PKD1L1: variants seen among roughly 807,000 people sequenced by gnomAD.
PKD1L1 encodes polycystin 1 like 1, transient receptor potential channel interacting, also known as polycystin-1-like protein 1.
In PKD1L1, 236 loss-of-function variants were observed where a neutral mutation model predicts 323.4. That is an observed-to-expected ratio of 0.73 (90% CI 0.66 to 0.81). PKD1L1 has a LOEUF of 0.81. Among genes scored for constraint, PKD1L1 ranks in the 40% least tolerant of loss-of-function variants. The pLI, the probability that PKD1L1 is intolerant of heterozygous loss-of-function variation, is 0.00. For missense variants in PKD1L1, 3,320 were observed against 3,508.0 expected (o/e 0.95, Z 1.35); for synonymous variants, 1,344 against 1,335.0 (o/e 1.01, Z -0.15).
At chr7:47,889,879 C>G (rs1786770822) in intron 16 of PKD1L1, among the ~76,000 whole-genome samples, 1 of 152,174 alleles carries the variant, frequency 6.6e-6, no homozygotes, top group Non-Finnish European at 1.5e-5. Flanking sequence ...GGCTCCTGCT[C>G]CATCCCGATG....
intron 4 of PKD1L1, 57 bp from the exon 5 acceptor site, chr7:47,932,113 T>C: frequency 6.4e-7 from 1 of 1,557,856 alleles, no homozygotes. Context: ...TTCAGTCACA[T>C]ATCTGGCTTA....
intron 7 of PKD1L1, among the ~76,000 whole-genome samples, chr7:47,925,264 C>G (rs555227800): frequency 6.6e-6 from 1 of 152,246 alleles, no homozygotes; most frequent in South Asian, 2.1e-4. Context: ...AATCCCAACA[C>G]TTTGGGAGGC....
At chr7:47,897,960 C>G (rs1786994203) in intron 14 of PKD1L1, 28 bp downstream of exon 14, 1 of 1,558,780 alleles carries the variant, frequency 6.4e-7, no homozygotes. Context: ...TTCATTGGGC[C>G]AGTAGAGCAG....
chr7:47,893,228 TCAA>T (rs1786860910), intron 15 of PKD1L1, among the ~76,000 whole-genome samples: 1 of 67,664 alleles, frequency 1.5e-5, no homozygotes, highest in African/African-American at 6.1e-5. Context: ...AGACCCTATC[TCAA>T]AAAAAAAAAA....
At chr7:47,880,185 G>A (rs529650436) in intron 21 of PKD1L1, among the ~76,000 whole-genome samples, 1 of 119,292 alleles carries the variant, frequency 8.4e-6, no homozygotes, top group South Asian at 2.8e-4. Context: ...GAGAGAGAGA[G>A]AGAGATTACG....
At chr7:47,875,261 A>T (rs568366011) in intron 23 of PKD1L1, among the ~76,000 whole-genome samples, 125 of 152,336 alleles carry the variant, frequency 8.2e-4, no homozygotes, top group Middle Eastern at 3.4e-3. Flanking sequence ...AAGTGTTTCT[A>T]ACTGAAGGTG....
At chr7:47,811,744 G>A (rs1784900717) in intron 50 of PKD1L1, 73 bp downstream of exon 50, 2 of 1,273,122 alleles carry the variant, frequency 1.6e-6, no homozygotes, top group African/African-American at 1.5e-5. Flanking sequence ...CCTGTCTGGT[G>A]GAGAAGCCCA....
At chr7:47,945,163 G>A (rs536718294) in intron 1 of PKD1L1, among the ~76,000 whole-genome samples, 97 of 152,268 alleles carry the variant, frequency 6.4e-4, no homozygotes, top group Non-Finnish European at 1.2e-3. Flanking sequence ...TTCTAGAAAG[G>A]GCCGCCCTGT....
At chr7:47,788,263 CT>C (rs1213837301) in intron 56 of PKD1L1, among the ~76,000 whole-genome samples, 2 of 150,770 alleles carry the variant, frequency 1.3e-5, no homozygotes, top group African/African-American at 2.4e-5. Flanking sequence ...TTAATATATT[CT>C]TTTTTTATTT....
Position 47,931,941 on chromosome 7 carries a change from G to A in PKD1L1, c.514C>T (p.Leu172Phe). The A allele has an allele frequency of 6.2e-7, 1 of 1,611,180 alleles. No homozygotes were observed. Among genetic ancestry groups the A allele is most frequent in the Non-Finnish European group, 8.5e-7 (1 of 1,178,600 alleles). Residue 172 changes from leucine to phenylalanine, a missense_variant, in exon 5 of 57, where the codon CTC (leucine) becomes TTC (phenylalanine). Physicochemically the swap from Leu to Phe is conservative, Grantham distance 22. Coordinates refer to ENST00000289672, the MANE Select transcript of PKD1L1 (RefSeq NM_138295.5). ...GTADSTFSAL[L>F]QLQGTTSAAA... ...TGCAGGGGTTAGATACCAACCTGGA[G>A]AAGAGCAGAGAATGTGCTGTCTGCG...
At chr7:47,952,995 T>C (rs1252210089), upstream of PKD1L1, among the ~76,000 whole-genome samples, 1 of 152,200 alleles carries the variant, frequency 6.6e-6, no homozygotes, top group Non-Finnish European at 1.5e-5. Flanking sequence ...TTGGGTCCTT[T>C]GGCCACTTGG....
chr7:47,884,503 G>T, intron 19 of PKD1L1, 95 bp downstream of exon 19: 1 of 1,082,592 alleles, frequency 9.2e-7, no homozygotes, highest in Non-Finnish European at 1.4e-6. Flanking sequence ...AGCTCTCAGT[G>T]GCTGTGTAAG....
rs148196745 is a variant in PKD1L1, at chr7:47,885,750, T to A, written c.3141A>T (p.Gly1047=). 96 of 1,614,126 alleles carry A rather than the reference T, an allele frequency of 5.9e-5. No individual in the cohort carries two copies. Among genetic ancestry groups the A allele is most frequent in the Admixed American group, 8.3e-5 (5 of 60,014 alleles). Reference sequence around the variant, plus strand: ...TCTCAGAGCGGCCAGTCATCAGGGATCCCTTGCTCTGTGGCCCTGGCTCTA... The same window carrying A: ...TCTCAGAGCGGCCAGTCATCAGGGAACCCTTGCTCTGTGGCCCTGGCTCTA... ...LDLEPGPQSK[G]SLMTGRSERS... The change falls in exon 18 of 57, where the codon GGA becomes GGT. Residue 1047 remains glycine, a synonymous_variant. Coordinates refer to ENST00000289672, the MANE Select transcript of PKD1L1 (RefSeq NM_138295.5).
At chr7:47,826,566 T>A (rs1051911849) in intron 45 of PKD1L1, among the ~76,000 whole-genome samples, 20 of 152,192 alleles carry the variant, frequency 1.3e-4, no homozygotes, top group Admixed American at 2.6e-4. Flanking sequence ...GACATGCTAT[T>A]TTTTAAAAAA....
rs773738470 is a variant in PKD1L1 at position 47,929,407 on chromosome 7, G to C, written c.857C>G (p.Ser286Cys). ...HPPVAILARN[S>C]DNFMNPVLNC... ...AAGAACAGGGTTCATGAAGTTATCAGAATTTCGAGCTAGGATGGCCACAGG... is the reference window on the plus strand; with the variant it reads ...AAGAACAGGGTTCATGAAGTTATCACAATTTCGAGCTAGGATGGCCACAGG... The change falls in exon 7 of 57, where the codon TCT becomes TGT. Residue 286 changes from serine to cysteine, a missense_variant. Transcript: ENST00000289672. The C allele has an allele frequency of 2.9e-5, 47 of 1,614,100 alleles. No homozygotes were observed. The highest frequency in any genetic ancestry group is 3.4e-6 in the Non-Finnish European group (4 of 1,180,036).
intron 28 of PKD1L1, among the ~76,000 whole-genome samples, chr7:47,856,465 A>G (rs1785907049): frequency 6.6e-6 from 1 of 152,240 alleles, no homozygotes; most frequent in Non-Finnish European, 1.5e-5. Flanking sequence ...TTGAGTTATA[A>G]TAATATTGTT....
chr7:47,810,548 C>T (rs1307547782), intron 50 of PKD1L1, among the ~76,000 whole-genome samples: 1 of 147,216 alleles, frequency 6.8e-6, no homozygotes, highest in African/African-American at 2.5e-5. Flanking sequence ...ATTGCGCCCA[C>T]ACCAGCGCGA....
chr7:47,805,214 T>C (rs1784753114), intron 52 of PKD1L1, among the ~76,000 whole-genome samples: 1 of 152,182 alleles, frequency 6.6e-6, no homozygotes, highest in South Asian at 2.1e-4. Context: ...TGGCACATGG[T>C]CAAAGAGGAG....
In PKD1L1 at chr7:47,880,791, T is replaced by C. The variant is rs1348498035; in HGVS notation, c.3457A>G (p.Thr1153Ala). Residue 1153 changes from threonine (T) to alanine (A), a missense_variant, in exon 21 of 57, where the codon ACA becomes GCA. Coordinates refer to ENST00000289672, the MANE Select transcript of PKD1L1 (RefSeq NM_138295.5). ...GYSSSGITEQTVTIKPYSLSS... is the reference protein window; with the variant it reads ...GYSSSGITEQAVTIKPYSLSS... ...AGAGAGTATGGCTTGATTGTCACTG[T>C]CTGTTCTGTAATACCTGCAGAAAAG... The C allele has an allele frequency of 6.2e-7, 1 of 1,606,072 alleles. No homozygotes were observed. Among genetic ancestry groups the C allele is most frequent in the South Asian group, 1.1e-5 (1 of 90,630 alleles).
Sources: allele counts gnomAD v4.1 joint callset (sites outside exome capture counted in the v4.1 genomes callset), GRCh38; gene constraint gnomAD v4.1.1; transcripts MANE v1.5; gene names NCBI Gene and HGNC (gene_info 2026-07-23, HGNC 2026-07-21).